The following PPFIBP1 variants were observed in gnomAD, a reference collection of about 807,000 sequenced individuals.
PPFIBP1 encodes the protein liprin-beta-1.
PPFIBP1 carries 112 observed loss-of-function variants against 137.8 expected under a neutral mutation model. That is an observed-to-expected ratio of 0.81 (90% CI 0.70 to 0.95). The LOEUF (loss-of-function observed/expected upper bound fraction) is 0.95. Among genes scored for constraint, PPFIBP1 ranks in the 40% least tolerant of loss-of-function variants. The pLI is 0.00. For synonymous variants in PPFIBP1, 378 were observed against 417.3 expected, an observed-to-expected ratio of 0.91 and a Z score of 1.15; for missense variants, 1,083 against 1,196.6, an observed-to-expected ratio of 0.91 and a Z score of 1.40.
intron 2 of PPFIBP1, among the ~76,000 whole-genome samples, chr12:27,585,288 A>T (rs1032819277): frequency 6.6e-6 from 1 of 152,232 alleles, no homozygotes; most frequent in African/African-American, 2.4e-5. Context: ...AGAAGTAGAA[A>T]GATGTGGATA....
chr12:27,606,235 T>A (rs577174450), intron 2 of PPFIBP1, among the ~76,000 whole-genome samples: 42 of 152,260 alleles, frequency 2.8e-4, no homozygotes, highest in Non-Finnish European at 5.1e-4. Context: ...TAAAAATCAC[T>A]GTCTCTTGAC....
chr12:27,640,250 G>GT (rs755044316), intron 4 of PPFIBP1, among the ~76,000 whole-genome samples: 12 of 152,148 alleles, frequency 7.9e-5, no homozygotes, highest in Non-Finnish European at 1.2e-4. Flanking sequence ...AGGGAAAGAG[G>GT]TTTCCCTGTT....
intron 1 of PPFIBP1, among the ~76,000 whole-genome samples, chr12:27,549,774 C>G (rs1009783818): frequency 6.6e-6 from 1 of 152,188 alleles, no homozygotes; most frequent in Admixed American, 6.5e-5. Context: ...GAACCACTCA[C>G]TTATGCACAC....
At chr12:27,667,420 A>G (rs2059921979) in intron 13 of PPFIBP1, 100 bp downstream of exon 13, 12 of 1,094,108 alleles carry the variant, frequency 1.1e-5, no homozygotes, top group Non-Finnish European at 1.1e-5. Flanking sequence ...TTCCTTTCTC[A>G]GTTCCATCAC....
At position 27,673,846 on chromosome 12, in the gene PPFIBP1, G is replaced by GT. The variant is rs540919156; in HGVS notation, c.1380+28dup. ...TGATGGGGTGGGTTCTGTGTTTTTT[G>GT]TTTTTTTTTGTCTGTTATCCTGAGA... On this transcript the variant is annotated intron_variant, in intron 16 of 29. Transcript: ENST00000228425. 8.3e-3 allele frequency: 13,077 copies of GT among 1,581,712 alleles called. 785 individuals carry two copies. In the African/African-American group the frequency reaches 0.15, roughly 18 times the overall value.
chr12:27,602,172 C>A (rs1414338587), intron 2 of PPFIBP1, among the ~76,000 whole-genome samples: 1 of 152,098 alleles, frequency 6.6e-6, no homozygotes, highest in Non-Finnish European at 1.5e-5. Flanking sequence ...CAGGATTGGG[C>A]TAACTTTCTT....
intron 8 of PPFIBP1, among the ~76,000 whole-genome samples, 163 bp downstream of exon 8, chr12:27,654,977 C>T (rs2059106325): frequency 1.3e-5 from 2 of 152,042 alleles, no homozygotes; most frequent in Admixed American, 1.3e-4. Flanking sequence ...ATTTAAGCAC[C>T]ACTGATCTGA....
chr12:27,636,751 A>G (rs1244344448), intron 4 of PPFIBP1: 1 of 99,662 alleles, frequency 1.0e-5, no homozygotes, highest in Admixed American at 1.1e-4. Context: ...AGTAAAAACC[A>G]CAGTGCTTAC....
At chr12:27,565,903 A>T (rs931036) in intron 1 of PPFIBP1, among the ~76,000 whole-genome samples, 12,233 of 150,920 alleles carry the variant, frequency 0.081, 587 homozygotes, top group African/African-American at 0.13. Context: ...TCTCCATCTT[A>T]CTCACTTTTC....
At chr12:27,544,554 A>G (rs943975552) in intron 1 of PPFIBP1, among the ~76,000 whole-genome samples, 4 of 152,184 alleles carry the variant, frequency 2.6e-5, no homozygotes, top group Admixed American at 6.5e-5. Flanking sequence ...AGAAAAAAAC[A>G]AACAACCCCA....
intron 9 of PPFIBP1, 126 bp downstream of exon 9, chr12:27,656,856 A>C (rs115476268): frequency 7.8e-6 from 5 of 639,200 alleles, no homozygotes; most frequent in Non-Finnish European, 1.4e-5. Context: ...TCCAGCCAGG[A>C]CCAGAACCAC....
intron 7 of PPFIBP1, among the ~76,000 whole-genome samples, chr12:27,654,156 C>A (rs2059051461): frequency 1.3e-5 from 2 of 152,174 alleles, no homozygotes; most frequent in South Asian, 4.1e-4. Flanking sequence ...AAACATTTCC[C>A]TGGCTGTTTC....
chr12:27,687,270 G>A (rs2061259742), intron 24 of PPFIBP1, 115 bp from the exon 25 acceptor site: 4 of 1,261,042 alleles, frequency 3.2e-6, no homozygotes, highest in South Asian at 3.2e-5. Flanking sequence ...AAGACCTTGG[G>A]GCATATTGGT....
intron 2 of PPFIBP1, among the ~76,000 whole-genome samples, chr12:27,589,040 A>G (rs1323000605): frequency 6.6e-6 from 1 of 152,012 alleles, no homozygotes; most frequent in Non-Finnish European, 1.5e-5. Context: ...TATTTGTTTG[A>G]GGTATTAGTA....
chr12:27,686,619 A>G (rs1162779956), intron 24 of PPFIBP1, among the ~76,000 whole-genome samples: 1 of 152,244 alleles, frequency 6.6e-6, no homozygotes, highest in Non-Finnish European at 1.5e-5. Flanking sequence ...ATCTAGAGCT[A>G]TTCAATAGCA....
At chr12:27,539,732 T>C (rs989343980) in intron 1 of PPFIBP1, among the ~76,000 whole-genome samples, 1 of 152,154 alleles carries the variant, frequency 6.6e-6, no homozygotes, top group African/African-American at 2.4e-5. Context: ...AGGTAATATA[T>C]GTATCTTATA....
intron 1 of PPFIBP1, among the ~76,000 whole-genome samples, chr12:27,546,244 A>G (rs1301481459): frequency 6.6e-6 from 1 of 152,192 alleles, no homozygotes; most frequent in African/African-American, 2.4e-5. Flanking sequence ...TCTGATCCCT[A>G]CATTGATTAG....
At chr12:27,682,210 G>A (rs545694286) in intron 22 of PPFIBP1, among the ~76,000 whole-genome samples, 177 bp from the exon 23 acceptor site, 1 of 152,284 alleles carries the variant, frequency 6.6e-6, no homozygotes, top group South Asian at 2.1e-4. Context: ...AATTGTGGTG[G>A]TCTTGGCTTT....
chr12:27,594,015 C>A (rs572027581), intron 2 of PPFIBP1: 15 of 1,339,184 alleles, frequency 1.1e-5, no homozygotes, highest in Non-Finnish European at 1.4e-5. Context: ...TCCTCTATGT[C>A]GCTGTTAGAG....
Sources: gnomAD v4.1 joint callset for allele counts (sites outside exome capture counted in the v4.1 genomes callset) on GRCh38, gnomAD v4.1.1 for gene constraint, MANE v1.5 for transcripts, NCBI Gene and HGNC (gene_info 2026-07-23, HGNC 2026-07-21) for gene names.